The following ERN1 variants were observed in gnomAD, a reference collection of about 807,000 sequenced individuals.
The protein encoded by ERN1 is endoplasmic reticulum to nucleus signaling 1, also known as serine/threonine-protein kinase/endoribonuclease IRE1.
In ERN1, 39 loss-of-function variants were observed where a neutral mutation model predicts 113.1. That is an observed-to-expected ratio of 0.34 (90% CI 0.27 to 0.45). The LOEUF is 0.45. ERN1 is among the 20% of genes least tolerant of loss of function. The pLI is 1.00. For missense variants in ERN1, 976 were observed against 1,274.8 expected (o/e 0.77, Z 3.57); for synonymous variants, 507 against 515.9 (o/e 0.98, Z 0.23).
intron 4 of ERN1, among the ~76,000 whole-genome samples, chr17:64,079,401 C>T (rs542413677): frequency 6.6e-6 from 1 of 152,260 alleles, no homozygotes; most frequent in East Asian, 1.9e-4. Context: ...ACATTATATC[C>T]TCCAGTGTAT....
In ERN1 at chr17:64,063,417, T is replaced by A. The variant is rs746152670; in HGVS notation, c.1087+569A>T. Reference sequence around the variant, plus strand: ...CTCTAGTTCAATCCCTGGCCATTAGTGATGGCAGCAAAAACAAGAGAAAGA... The same window carrying A: ...CTCTAGTTCAATCCCTGGCCATTAGAGATGGCAGCAAAAACAAGAGAAAGA... On this transcript the variant is annotated intron_variant, in intron 10 of 21. Transcript: ENST00000433197. The surrounding 1 kb of genome is among the most constrained non-coding windows in gnomAD (Gnocchi z 5.1). Among the ~76,000 whole-genome samples the A allele has an allele frequency of 4.6e-5, 7 of 152,168 alleles. No individual in the cohort carries two copies.
In ERN1 at chr17:64,042,244, A is replaced by T. The variant is rs77355456; in HGVS notation, c.*1744T>A. The T allele has an allele frequency of 6.6e-6, 1 of 152,368 alleles. No homozygotes were observed. Among genetic ancestry groups the T allele is most frequent in the East Asian group, 1.9e-4 (1 of 5,192 alleles). 9.4% of individuals were successfully genotyped at this position (152,368 alleles called of 1,614,324 possible). ...CGCACAGCCTTGCTTAGAAGACGCC[A>T]AGGACACCGACCAAGGGCCAAGGTT... On this transcript the variant is annotated 3_prime_UTR_variant, in exon 22 of 22. Transcript: ENST00000433197.
chr17:64,112,877 G>A (rs1265329950), intron 1 of ERN1, among the ~76,000 whole-genome samples: 1 of 152,230 alleles, frequency 6.6e-6, no homozygotes, highest in Non-Finnish European at 1.5e-5. Flanking sequence ...GAGGCCTGGT[G>A]TGAGGCTCAC....
At chr17:64,092,708 T>C (rs1263105593) in intron 2 of ERN1, among the ~76,000 whole-genome samples, 4 of 152,186 alleles carry the variant, frequency 2.6e-5, no homozygotes, top group Non-Finnish European at 5.9e-5. Context: ...TGTAATTTGA[T>C]GGGGATTTGA....
chr17:64,074,379 CAG>C (rs1399610586), intron 5 of ERN1, among the ~76,000 whole-genome samples: 8 of 152,160 alleles, frequency 5.3e-5, no homozygotes, highest in Non-Finnish European at 1.2e-4. Flanking sequence ...TCACGGCCCA[CAG>C]AGAGAAAAAT....
chr17:64,088,678 T>C (rs1914001806), intron 2 of ERN1, among the ~76,000 whole-genome samples: 2 of 152,102 alleles, frequency 1.3e-5, no homozygotes, highest in African/African-American at 4.8e-5. Context: ...GAAGGGAGCT[T>C]ATGGTTTGAG....
At chr17:64,086,725 C>A (rs1598070171) in intron 2 of ERN1, among the ~76,000 whole-genome samples, 1 of 131,376 alleles carries the variant, frequency 7.6e-6, no homozygotes, top group South Asian at 2.6e-4. Flanking sequence ...CAGCAACCTG[C>A]AACCTCCACC....
intron 1 of ERN1, among the ~76,000 whole-genome samples, chr17:64,105,581 T>C (rs1914503284): frequency 1.3e-5 from 2 of 152,160 alleles, no homozygotes. Flanking sequence ...TCTCTGTGTG[T>C]GTGTGTTTTT....
At chr17:64,128,301 G>A (rs1054044363) in intron 1 of ERN1, among the ~76,000 whole-genome samples, 21 of 151,788 alleles carry the variant, frequency 1.4e-4, no homozygotes, top group Admixed American at 1.2e-3. Context: ...ATGAGCCACC[G>A]GGCCCGGCCT....
intron 2 of ERN1, among the ~76,000 whole-genome samples, chr17:64,088,828 A>G (rs1276773636): frequency 6.6e-6 from 1 of 152,184 alleles, no homozygotes; most frequent in Non-Finnish European, 1.5e-5. Context: ...CACAGGGATG[A>G]CAAGACAACA....
chr17:64,087,933 G>A (rs1913981455), intron 2 of ERN1, among the ~76,000 whole-genome samples: 2 of 152,246 alleles, frequency 1.3e-5, no homozygotes, highest in Admixed American at 1.3e-4. Context: ...GTGAGGGCCT[G>A]GGGAAAACAT....
intron 2 of ERN1, among the ~76,000 whole-genome samples, chr17:64,092,442 T>C (rs888012064): frequency 8.5e-5 from 13 of 152,278 alleles, no homozygotes; most frequent in South Asian, 6.2e-4. Context: ...ATCTCCAGTA[T>C]TATGTCCTGT....
chr17:64,119,262 G>A (rs186311650), intron 1 of ERN1, among the ~76,000 whole-genome samples: 2 of 149,914 alleles, frequency 1.3e-5, no homozygotes, highest in East Asian at 2.0e-4. Context: ...GCTGATAAAA[G>A]CAATTTCAAC....
chr17:64,102,895 G>A, intron 1 of ERN1: 1 of 984,884 alleles, frequency 1.0e-6, no homozygotes, highest in Non-Finnish European at 1.2e-6. Context: ...TAGTAGTTGG[G>A]AGGTTAAAAA....
intron 13 of ERN1, among the ~76,000 whole-genome samples, chr17:64,055,221 A>G (rs551292680): frequency 6.6e-6 from 1 of 152,360 alleles, no homozygotes; most frequent in Non-Finnish European, 1.5e-5. Flanking sequence ...GGCAATGGAC[A>G]TGTAAAACGA....
chr17:64,103,398 G>A (rs1215982897), intron 1 of ERN1, among the ~76,000 whole-genome samples: 2 of 151,592 alleles, frequency 1.3e-5, no homozygotes, highest in Non-Finnish European at 2.9e-5. Flanking sequence ...TTGGGAGGCT[G>A]AGGCAGGAGA....
At chr17:64,066,954 A>C in intron 7 of ERN1, 22 bp from the exon 8 acceptor site, 1 of 1,603,600 alleles carries the variant, frequency 6.2e-7, no homozygotes, top group Non-Finnish European at 8.5e-7. Flanking sequence ...AAATAAACAA[A>C]GCATGCTGAG....
chr17:64,091,177 A>G (rs1475841052), intron 2 of ERN1, among the ~76,000 whole-genome samples: 1 of 152,190 alleles, frequency 6.6e-6, no homozygotes, highest in Non-Finnish European at 1.5e-5. Flanking sequence ...TTTCCATTGC[A>G]CTTCTGAAGA....
At chr17:64,102,799 G>A in intron 1 of ERN1, 1 of 985,350 alleles carries the variant, frequency 1.0e-6, no homozygotes, top group Non-Finnish European at 1.2e-6. Flanking sequence ...CTGGTTTCCA[G>A]AGAGCCTGAA....
Sources: gnomAD v4.1 joint callset for allele counts (sites outside exome capture counted in the v4.1 genomes callset) on GRCh38, gnomAD v4.1.1 for gene constraint, Gnocchi (gnomAD v3.1) non-coding constraint, MANE v1.5 for transcripts, NCBI Gene and HGNC (gene_info 2026-07-23, HGNC 2026-07-21) for gene names.